PRICKLE1: variants seen among roughly 807,000 people sequenced by gnomAD.
The protein encoded by PRICKLE1 is prickle planar cell polarity protein 1, also known as prickle-like protein 1.
Under a neutral mutation model 70.2 loss-of-function variants are expected in PRICKLE1, and 14 were observed. The observed-to-expected ratio is 0.20, with a 90% CI of 0.13 to 0.31. The LOEUF (loss-of-function observed/expected upper bound fraction) is 0.31. Among genes scored for constraint, PRICKLE1 ranks in the 10% least tolerant of loss-of-function variants. The pLI, the probability that PRICKLE1 is intolerant of heterozygous loss-of-function variation, is 1.00. For missense variants in PRICKLE1, 821 were observed against 1,026.2 expected (o/e 0.80, Z 2.73); for synonymous variants, 357 against 379.9 (o/e 0.94, Z 0.70).
At position 42,465,100 on chromosome 12, in the gene PRICKLE1, C is replaced by T. The variant is rs780452958; in HGVS notation, c.934G>A (p.Val312Ile). 13 of 1,564,602 alleles carry T rather than the reference C, an allele frequency of 8.3e-6. No individual in the cohort carries two copies. Among genetic ancestry groups the T allele is most frequent in the Admixed American group, 1.9e-5 (1 of 51,362 alleles). The part of the protein sequence containing the change: ...CSKTCSLGED[V>I]HASDSSDSAF... Reference sequence around the variant, plus strand: ...GAGTCGGAAGAATCAGAGGCATGGACGTCTTCACCAAGACTGCACGTTTTT... The same window carrying T: ...GAGTCGGAAGAATCAGAGGCATGGATGTCTTCACCAAGACTGCACGTTTTT... Residue 312 changes from valine to isoleucine, a missense_variant, in exon 7 of 8, where the codon GTC becomes ATC. Transcript: ENST00000345127.
intron 1 of PRICKLE1, among the ~76,000 whole-genome samples, chr12:42,514,464 T>C (rs770651539): frequency 6.6e-6 from 1 of 152,118 alleles, no homozygotes; most frequent in South Asian, 2.1e-4. Context: ...GAAATAGTTA[T>C]CTAAATATAA....
chr12:42,473,537 TC>T (rs1238882952), intron 1 of PRICKLE1, among the ~76,000 whole-genome samples: 1 of 152,010 alleles, frequency 6.6e-6, no homozygotes, highest in East Asian at 1.9e-4. Flanking sequence ...TCATCCCTCA[TC>T]CCAGGGCACA....
chr12:42,581,451 G>T (rs1313193966), intron 1 of PRICKLE1, among the ~76,000 whole-genome samples: 2 of 151,804 alleles, frequency 1.3e-5, no homozygotes, highest in African/African-American at 2.4e-5. Context: ...TTCATTAAAG[G>T]TTATGGAACT....
chr12:42,575,433 G>A (rs918007151), intron 1 of PRICKLE1, among the ~76,000 whole-genome samples: 3 of 152,090 alleles, frequency 2.0e-5, no homozygotes, highest in Non-Finnish European at 4.4e-5. Flanking sequence ...AGTGGCTCAC[G>A]CCTGTAATCC....
intron 1 of PRICKLE1, among the ~76,000 whole-genome samples, chr12:42,546,615 G>A (rs1175586253): frequency 1.3e-5 from 2 of 152,084 alleles, no homozygotes; most frequent in African/African-American, 4.8e-5. Flanking sequence ...TTAGCCAGGT[G>A]TGGTGGCATG....
rs1937740257 is a variant in PRICKLE1, at chr12:42,459,987, T to TCCGAGTC, written c.2311_2317dup (p.Glu773GlyfsTer27). 1.2e-6 allele frequency: 2 copies of TCCGAGTC among 1,613,924 alleles called. No individual in the cohort carries two copies. The highest frequency in any genetic ancestry group is 2.7e-5 in the African/African-American group (2 of 74,888). Reference sequence around the variant, plus strand: ...TTGTCCAAGAAAATATCCTTCTTCTTCCGAGTCGGAAGAGGAGGAGGAGGA... The same window carrying TCCGAGTC: ...TTGTCCAAGAAAATATCCTTCTTCTTCCGAGTCCCGAGTCGGAAGAGGAGGAGGAGGA... On this transcript the variant is annotated frameshift_variant, in exon 8 of 8. Coordinates refer to ENST00000345127, the MANE Select transcript of PRICKLE1 (RefSeq NM_153026.3). LOFTEE classifies it high-confidence loss of function.
chr12:42,544,733 A>C (rs1440564386), intron 1 of PRICKLE1, among the ~76,000 whole-genome samples: 1 of 152,226 alleles, frequency 6.6e-6, no homozygotes, highest in Non-Finnish European at 1.5e-5. Flanking sequence ...TTAAGAGCAA[A>C]ATAGTGAGGG....
intron 1 of PRICKLE1, among the ~76,000 whole-genome samples, chr12:42,508,597 G>A (rs1037228566): frequency 6.6e-6 from 1 of 152,044 alleles, no homozygotes; most frequent in African/African-American, 2.4e-5. Context: ...TTTCTTAGAG[G>A]TAAAAGAAAA....
chr12:42,504,252 C>A (rs766264726), intron 1 of PRICKLE1, among the ~76,000 whole-genome samples: 5 of 152,134 alleles, frequency 3.3e-5, no homozygotes, highest in Non-Finnish European at 5.9e-5. Flanking sequence ...GGATGTGAGT[C>A]CTGGGCATGG....
chr12:42,540,816 C>T (rs1028613666), intron 1 of PRICKLE1, among the ~76,000 whole-genome samples: 2 of 152,170 alleles, frequency 1.3e-5, no homozygotes, highest in African/African-American at 4.8e-5. Flanking sequence ...CCACCTCAGC[C>T]TCCCAAAGTG....
At chr12:42,509,693 T>A (rs1368346153) in intron 1 of PRICKLE1, among the ~76,000 whole-genome samples, 1 of 151,864 alleles carries the variant, frequency 6.6e-6, no homozygotes, top group Non-Finnish European at 1.5e-5. Context: ...AATAATAATA[T>A]AAGACTACCA....
chr12:42,516,459 A>T (rs1314834303), intron 1 of PRICKLE1, among the ~76,000 whole-genome samples: 1 of 152,092 alleles, frequency 6.6e-6, no homozygotes, highest in Non-Finnish European at 1.5e-5. Context: ...AATATCCAAG[A>T]GTTCCTGTGT....
intron 1 of PRICKLE1, among the ~76,000 whole-genome samples, chr12:42,518,621 ATC>A (rs371964666): frequency 3.3e-4 from 51 of 152,334 alleles, no homozygotes; most frequent in African/African-American, 1.2e-3. Flanking sequence ...TCCCCCTTGC[ATC>A]TGTCTTCCAA....
At chr12:42,515,296 A>G (rs1269991389) in intron 1 of PRICKLE1, among the ~76,000 whole-genome samples, 1 of 149,624 alleles carries the variant, frequency 6.7e-6, no homozygotes, top group East Asian at 2.0e-4. Context: ...CTGGAGTGCA[A>G]TGGTGCCATC....
At chr12:42,572,373 T>G (rs1247325782) in intron 1 of PRICKLE1, among the ~76,000 whole-genome samples, 1 of 150,936 alleles carries the variant, frequency 6.6e-6, no homozygotes, top group Non-Finnish European at 1.5e-5. Context: ...GAGTTGGAGG[T>G]TGCAGTGAGC....
In PRICKLE1 at chr12:42,457,653, C is replaced by CA. The variant is rs1328596797; in HGVS notation, c.*2155dup. ...GTGTAGCATAATGTATGAGGAAAGT[C>CA]AACTCCATCATTAGGAGTAGGCTAT... On this transcript the variant is annotated 3_prime_UTR_variant, in exon 8 of 8. Transcript: ENST00000345127. 5 of 152,354 alleles carry CA rather than the reference C, an allele frequency of 3.3e-5. No individual in the cohort carries two copies. The highest frequency in any genetic ancestry group is 1.2e-4 in the African/African-American group (5 of 41,580). 9.4% of individuals were successfully genotyped at this position (152,354 alleles called of 1,614,324 possible). A position where few individuals can be genotyped will look rare whatever the true frequency, so the allele number is the denominator to read the frequency against.
rs778702730 is a variant in PRICKLE1 at position 42,459,257 on chromosome 12, T to G, written c.*552A>C. ...AAGTTATAAATAGCAATGTTTTTTGTTTTTTTTTTTCAATCTGTAGCTGGC... is the reference window on the plus strand; with the variant it reads ...AAGTTATAAATAGCAATGTTTTTTGGTTTTTTTTTTCAATCTGTAGCTGGC... On this transcript the variant is annotated 3_prime_UTR_variant, in exon 8 of 8. Coordinates refer to ENST00000345127, the MANE Select transcript of PRICKLE1 (RefSeq NM_153026.3). 2.5e-4 allele frequency: 5 copies of G among 19,808 alleles called. No individual in the cohort carries two copies. The highest frequency in any genetic ancestry group is 1.5e-3 in the East Asian group (2 of 1,376). 1.2% of individuals were successfully genotyped at this position (19,808 alleles called of 1,614,324 possible).
In PRICKLE1 at chr12:42,560,252, C is replaced by T. The variant is rs138959581; in HGVS notation, c.-49+29213G>A. Among the ~76,000 whole-genome samples, 481 of 152,000 alleles carry T rather than the reference C, an allele frequency of 3.2e-3. 2 individuals carry two copies. The highest frequency in any genetic ancestry group is 0.011 in the African/African-American group (438 of 41,492). On this transcript the variant is annotated intron_variant, in intron 1 of 7. Transcript: ENST00000345127. ...CTCAGGTTCAAGCAATTTCTCCTGT[C>T]TCAGCCTCCTGAGTAGCTGAGATTT...
At chr12:42,548,770 G>A (rs1940255453) in intron 1 of PRICKLE1, among the ~76,000 whole-genome samples, 1 of 152,100 alleles carries the variant, frequency 6.6e-6, no homozygotes, top group African/African-American at 2.4e-5. Flanking sequence ...ACCTCCAATT[G>A]AAACTGATGA....
Sources: allele counts gnomAD v4.1 joint callset (sites outside exome capture counted in the v4.1 genomes callset), GRCh38; gene constraint gnomAD v4.1.1; transcripts MANE v1.5; gene names NCBI Gene and HGNC (gene_info 2026-07-23, HGNC 2026-07-21).